Variants in PCDHA4 observed in about 807,000 individuals in gnomAD.
PCDHA4 encodes the protein protocadherin alpha-4.
A neutral mutation model predicts 61.4 loss-of-function variants in PCDHA4; 49 were observed. The ratio of observed to expected loss-of-function variants is 0.80; its 90% confidence interval spans 0.63 to 1.01. PCDHA4 has a LOEUF of 1.01. PCDHA4 is among the 50% of genes least tolerant of loss of function. The pLI, the probability that PCDHA4 is intolerant of heterozygous loss-of-function variation, is 0.00. For synonymous variants in PCDHA4, 590 were observed against 550.3 expected (o/e 1.07, Z -1.01); for missense variants, 1,254 against 1,235.8 (o/e 1.01, Z -0.22).
rs2040583064 is a variant in PCDHA4, at chr5:140,848,750, T to A, written c.2385+39178T>A. ...TAAATCTGCAGAATGGCATTTTGTT[T>A]GTGAATTCTCGGATCGACCGCGAGG... is the stretch of plus-strand genomic sequence containing the variant. On this transcript the variant is annotated intron_variant, in intron 1 of 3. Coordinates refer to ENST00000530339, the MANE Select transcript of PCDHA4 (RefSeq NM_018907.4). 5 of 1,593,288 alleles carry A rather than the reference T, an allele frequency of 3.1e-6. 1 individual carries two copies. The highest frequency in any genetic ancestry group is 4.3e-6 in the Non-Finnish European group (5 of 1,163,954).
Position 141,011,476 on chromosome 5 carries a change from A to G in PCDHA4, c.*1539A>G, listed in dbSNP as rs2098420741. On this transcript the variant is annotated 3_prime_UTR_variant, in exon 4 of 4. Coordinates refer to ENST00000530339, the MANE Select transcript of PCDHA4 (RefSeq NM_018907.4). ...CTTTATTGTTGAATGTAATTCCATT[A>G]TATTTCCTTTTGTACACCTGTGAAA... 1 of 153,776 alleles carries G rather than the reference A, an allele frequency of 6.5e-6. No homozygotes were observed. 9.5% of individuals were successfully genotyped at this position (153,776 alleles called of 1,614,324 possible). A position where few individuals can be genotyped will look rare whatever the true frequency, so the allele number is the denominator to read the frequency against.
At chr5:140,949,628 C>G (rs974912926) in intron 1 of PCDHA4, among the ~76,000 whole-genome samples, 18 of 151,706 alleles carry the variant, frequency 1.2e-4, no homozygotes, top group African/African-American at 4.1e-4. Context: ...GTTTTCATGG[C>G]ATATTGCTTT....
At chr5:140,917,530 T>C (rs2078244431) in intron 1 of PCDHA4, among the ~76,000 whole-genome samples, 1 of 152,262 alleles carries the variant, frequency 6.6e-6, no homozygotes, top group Admixed American at 6.5e-5. Flanking sequence ...ACGGTTTGTA[T>C]AGTTTTAGGT....
At chr5:140,941,987 G>A (rs1315027422) in intron 1 of PCDHA4, among the ~76,000 whole-genome samples, 1 of 152,104 alleles carries the variant, frequency 6.6e-6, no homozygotes, top group Non-Finnish European at 1.5e-5. Flanking sequence ...ACCTTGATAA[G>A]GGATTCATAT....
intron 1 of PCDHA4, among the ~76,000 whole-genome samples, chr5:140,933,444 A>T (rs1478759836): frequency 1.3e-5 from 2 of 152,184 alleles, no homozygotes; most frequent in African/African-American, 4.8e-5. Flanking sequence ...CTAATGACAT[A>T]CCTTCAAAAT....
chr5:140,989,805 A>G (rs3776110), intron 3 of PCDHA4, among the ~76,000 whole-genome samples: 8,341 of 152,306 alleles, frequency 0.055, 292 homozygotes, highest in East Asian at 0.12. Context: ...GGAAAGGGCC[A>G]TAAGATTGGT....
intron 1 of PCDHA4, chr5:140,831,157 A>G (rs1274029046): frequency 6.6e-6 from 1 of 152,206 alleles, no homozygotes; most frequent in African/African-American, 2.4e-5. Context: ...ACCGATCTAA[A>G]TAATGGAAAA....
chr5:140,863,086 A>T, intron 1 of PCDHA4: 3 of 573,948 alleles, frequency 5.2e-6, no homozygotes, highest in South Asian at 4.1e-5. Flanking sequence ...GGGCGAGATC[A>T]GCACGACGAG....
At position 140,858,233 on chromosome 5, in the gene PCDHA4, G is replaced by T. The variant is rs1014024880; in HGVS notation, c.2385+48661G>T. On this transcript the variant is annotated intron_variant, in intron 1 of 3. Coordinates refer to ENST00000530339, the MANE Select transcript of PCDHA4 (RefSeq NM_018907.4). ...GTGCTCGGCGGCGCCCACCGAGGGCGCATGTGGGCCGGTGAAGCCCACGCT... is the reference window on the plus strand; with the variant it reads ...GTGCTCGGCGGCGCCCACCGAGGGCTCATGTGGGCCGGTGAAGCCCACGCT... The T allele has an allele frequency of 9.4e-6, 15 of 1,596,216 alleles. 1 individual carries two copies. Among genetic ancestry groups the T allele is most frequent in the Non-Finnish European group, 1.1e-5 (13 of 1,166,126 alleles).
chr5:140,861,339 C>A lies in PCDHA4; in HGVS notation c.2385+51767C>A. ...TTCCACTACACCATCCTGGAAGAGG[C>A]CAAGGACGGCACATAGCGTCTTCGC... On this transcript the variant is annotated intron_variant, in intron 1 of 3. Transcript: ENST00000530339. 4 of 274,788 alleles carry A rather than the reference C, an allele frequency of 1.5e-5. No homozygotes were observed. The South Asian group carries it at 1.7e-4, about 12-fold the overall frequency. The allele number at this position is 274,788 out of a possible 1,614,324, so 17.0% of individuals were successfully genotyped here.
intron 1 of PCDHA4, among the ~76,000 whole-genome samples, chr5:140,917,324 C>CGGGGGG (rs1299895515): frequency 3.9e-5 from 3 of 76,174 alleles, no homozygotes; most frequent in East Asian, 7.2e-4. Flanking sequence ...GTTCATGTGG[C>CGGGGGG]GGGGGAGGGG....
At chr5:140,980,555 G>A (rs1050580342) in intron 2 of PCDHA4, among the ~76,000 whole-genome samples, 1 of 152,068 alleles carries the variant, frequency 6.6e-6, no homozygotes, top group Non-Finnish European at 1.5e-5. Flanking sequence ...GCTTGAACCC[G>A]GGAGGCGGAA....
At chr5:141,005,953 A>G (rs1036085493) in intron 3 of PCDHA4, among the ~76,000 whole-genome samples, 1 of 152,052 alleles carries the variant, frequency 6.6e-6, no homozygotes, top group Non-Finnish European at 1.5e-5. Context: ...TCTCTAACAA[A>G]CAACAATAAA....
chr5:140,985,759 T>TTTTA (rs2097169056), intron 3 of PCDHA4, among the ~76,000 whole-genome samples: 2 of 149,086 alleles, frequency 1.3e-5, no homozygotes, highest in East Asian at 2.0e-4. Context: ...TTTTTTTTTT[T>TTTTA]GAGACAGTCT....
intron 2 of PCDHA4, among the ~76,000 whole-genome samples, chr5:140,981,563 G>A (rs2096938689): frequency 6.6e-6 from 1 of 152,110 alleles, no homozygotes; most frequent in African/African-American, 2.4e-5. Flanking sequence ...GACAGAGTGA[G>A]GCTTTGTCTC....
At chr5:140,862,844 C>G (rs782433146) in intron 1 of PCDHA4, 1 of 571,262 alleles carries the variant, frequency 1.8e-6, no homozygotes. Flanking sequence ...GGCATGCCGC[C>G]TCTGAGCAGC....
At chr5:140,822,919 G>A (rs2150120383) in intron 1 of PCDHA4, 7 of 1,614,112 alleles carry the variant, frequency 4.3e-6, no homozygotes, top group Non-Finnish European at 5.9e-6. Flanking sequence ...AGGTGCCAAC[G>A]GGCAGGTGAC....
intron 3 of PCDHA4, among the ~76,000 whole-genome samples, chr5:140,991,033 T>C (rs2097428117): frequency 6.6e-6 from 1 of 152,212 alleles, no homozygotes; most frequent in African/African-American, 2.4e-5. Context: ...ATATGTTGCA[T>C]ACTTAACTTT....
At chr5:140,842,532 A>G in intron 1 of PCDHA4, 1 of 1,613,066 alleles carries the variant, frequency 6.2e-7, no homozygotes, top group African/African-American at 1.3e-5. Context: ...TTCAAGAATT[A>G]CTACTCGTTG....
Sources: gnomAD v4.1 joint callset for allele counts (sites outside exome capture counted in the v4.1 genomes callset) on GRCh38, gnomAD v4.1.1 for gene constraint, MANE v1.5 for transcripts, NCBI Gene and HGNC (gene_info 2026-07-23, HGNC 2026-07-21) for gene names.